Variants in SMIM36 observed in about 807,000 individuals in gnomAD.
SMIM36 encodes small integral membrane protein 36.
At chr17:55,480,859 T>C (rs1046699667) in intron 1 of SMIM36, among the ~76,000 whole-genome samples, 5 of 152,210 alleles carry the variant, frequency 3.3e-5, no homozygotes, top group Non-Finnish European at 7.3e-5. Context: ...ATCTCTTCTA[T>C]GCAGTGTGAC....
intron 1 of SMIM36, among the ~76,000 whole-genome samples, chr17:55,507,761 A>T (rs575184092): frequency 6.6e-6 from 1 of 152,218 alleles, no homozygotes; most frequent in Admixed American, 6.5e-5. Flanking sequence ...AGAATGGTAA[A>T]AAGACCACTG....
the SMIM36 span, among the ~76,000 whole-genome samples, chr17:55,529,470 A>G: frequency 6.6e-6 from 1 of 151,876 alleles, no homozygotes; most frequent in African/African-American, 2.4e-5. Flanking sequence ...AAAAAATACA[A>G]AAGTATCCAG....
the SMIM36 span, among the ~76,000 whole-genome samples, chr17:55,516,942 AAGACGCT>A: frequency 6.6e-6 from 1 of 152,094 alleles, no homozygotes; most frequent in Non-Finnish European, 1.5e-5. Context: ...TGTCCCTGAG[AAGACGCT>A]TCTCCCCAAC....
the SMIM36 span, among the ~76,000 whole-genome samples, chr17:55,520,902 G>A: frequency 4.6e-5 from 7 of 152,248 alleles, no homozygotes; most frequent in African/African-American, 7.2e-5. Context: ...AGGCCAAGGC[G>A]GGTGGATAAC....
At chr17:55,518,804 G>A in the SMIM36 span, among the ~76,000 whole-genome samples, 1 of 151,750 alleles carries the variant, frequency 6.6e-6, no homozygotes, top group African/African-American at 2.4e-5. Flanking sequence ...AAAAGGAAAA[G>A]TTGTATGAGA....
At chr17:55,496,891 A>C (rs770418485) in intron 1 of SMIM36, among the ~76,000 whole-genome samples, 2 of 152,154 alleles carry the variant, frequency 1.3e-5, no homozygotes, top group Non-Finnish European at 2.9e-5. Context: ...TTCAACCTAA[A>C]GGTGTTTGCA....
chr17:55,523,723 C>T, the SMIM36 span, among the ~76,000 whole-genome samples: 2 of 152,066 alleles, frequency 1.3e-5, no homozygotes, highest in Non-Finnish European at 2.9e-5. Flanking sequence ...ATGGCAGTCT[C>T]GGCCGACTAA....
At chr17:55,475,026 T>C (rs758104308) in intron 3 of SMIM36, among the ~76,000 whole-genome samples, 1 of 151,908 alleles carries the variant, frequency 6.6e-6, no homozygotes, top group Non-Finnish European at 1.5e-5. Context: ...CGTATATAGA[T>C]TCTTGGTTAC....
chr17:55,458,014 C>A (rs1909060438), intron 4 of SMIM36, among the ~76,000 whole-genome samples: 1 of 152,062 alleles, frequency 6.6e-6, no homozygotes, highest in South Asian at 2.1e-4. Flanking sequence ...GTGCTCTCCG[C>A]TTTTAGAGTG....
intron 1 of SMIM36, among the ~76,000 whole-genome samples, chr17:55,499,399 T>G (rs1478392323): frequency 6.6e-6 from 1 of 152,166 alleles, no homozygotes; most frequent in Non-Finnish European, 1.5e-5. Flanking sequence ...TCCTGCTTCT[T>G]ACATGGATAA....
intron 1 of SMIM36, among the ~76,000 whole-genome samples, chr17:55,501,993 C>A (rs1294772125): frequency 2.0e-5 from 3 of 151,116 alleles, no homozygotes; most frequent in Admixed American, 6.6e-5. Flanking sequence ...GTCACTCCCA[C>A]CCGAATATTG....
intron 4 of SMIM36, among the ~76,000 whole-genome samples, chr17:55,454,293 A>T (rs1370860866): frequency 6.6e-6 from 1 of 152,238 alleles, no homozygotes; most frequent in Non-Finnish European, 1.5e-5. Flanking sequence ...AAGATAGGAA[A>T]AACTGAGAAA....
At chr17:55,526,806 C>T in the SMIM36 span, among the ~76,000 whole-genome samples, 1 of 152,124 alleles carries the variant, frequency 6.6e-6, no homozygotes, top group Non-Finnish European at 1.5e-5. Flanking sequence ...CTTTCCCCTC[C>T]CCACACTCTC....
intron 4 of SMIM36, among the ~76,000 whole-genome samples, chr17:55,461,040 C>T (rs1181213406): frequency 6.6e-6 from 1 of 151,930 alleles, no homozygotes; most frequent in African/African-American, 2.4e-5. Flanking sequence ...AGGAGTGTGG[C>T]CTTGCACAGA....
chr17:55,483,892 T>C (rs985602137), intron 1 of SMIM36, among the ~76,000 whole-genome samples: 1 of 152,200 alleles, frequency 6.6e-6, no homozygotes, highest in Admixed American at 6.5e-5. Context: ...CCTCCCAAAG[T>C]GCTGGAATTA....
At chr17:55,478,435 G>T (rs1909463159) in intron 3 of SMIM36, among the ~76,000 whole-genome samples, 1 of 151,960 alleles carries the variant, frequency 6.6e-6, no homozygotes, top group Admixed American at 6.6e-5. Context: ...TTGCCTTGTT[G>T]CCCAGGCTGA....
the SMIM36 span, among the ~76,000 whole-genome samples, chr17:55,523,493 G>T: frequency 1.3e-5 from 2 of 148,470 alleles, no homozygotes; most frequent in African/African-American, 5.1e-5. Flanking sequence ...TTGTGCCATT[G>T]CACTCCAGCT....
At chr17:55,493,646 CA>C (rs202165835) in intron 1 of SMIM36, among the ~76,000 whole-genome samples, 3,743 of 151,698 alleles carry the variant, frequency 0.025, 172 homozygotes, top group East Asian at 0.23. Context: ...CCCATCTCTA[CA>C]AAAAATACAA....
intron 1 of SMIM36, among the ~76,000 whole-genome samples, chr17:55,495,329 A>G (rs1336130619): frequency 6.6e-6 from 1 of 152,166 alleles, no homozygotes; most frequent in East Asian, 1.9e-4. Flanking sequence ...GAAACAAACT[A>G]TTTACAACAC....
Sources: allele counts gnomAD v4.1 joint callset (sites outside exome capture counted in the v4.1 genomes callset), GRCh38; gene constraint gnomAD v4.1.1; transcripts MANE v1.5; gene names NCBI Gene and HGNC (gene_info 2026-07-23, HGNC 2026-07-21).